Variants in KCNQ5 observed in about 807,000 individuals in gnomAD.
The protein encoded by KCNQ5 is potassium voltage-gated channel subfamily Q member 5, also known as potassium voltage-gated channel subfamily KQT member 5.
In KCNQ5, 30 loss-of-function variants were observed where a neutral mutation model predicts 98.2. That is an observed-to-expected ratio of 0.31 (90% CI 0.23 to 0.41). The LOEUF is 0.41. Among genes scored for constraint, KCNQ5 ranks in the 10% least tolerant of loss-of-function variants. The probability of loss-of-function intolerance (pLI) is 1.00; values close to 1 mark genes in which losing one functional copy is unlikely to be tolerated. For synonymous variants in KCNQ5, 458 were observed against 449.4 expected, an observed-to-expected ratio of 1.02 and a Z score of -0.24; for missense variants, 835 against 1,182.5, an observed-to-expected ratio of 0.71 and a Z score of 4.31.
intron 1 of KCNQ5, among the ~76,000 whole-genome samples, chr6:72,837,244 A>G (rs1266658516): frequency 1.3e-5 from 2 of 152,202 alleles, no homozygotes; most frequent in African/African-American, 4.8e-5. Context: ...TTGAACACTT[A>G]ATATGCTCCA....
chr6:73,167,582 A>C (rs1345337653), intron 10 of KCNQ5, among the ~76,000 whole-genome samples: 1 of 152,240 alleles, frequency 6.6e-6, no homozygotes, highest in Non-Finnish European at 1.5e-5. Context: ...TGCTCTGAGT[A>C]TGAAAATTAA....
chr6:73,036,105 G>A (rs902602818), intron 2 of KCNQ5, among the ~76,000 whole-genome samples: 7 of 151,384 alleles, frequency 4.6e-5, no homozygotes, highest in African/African-American at 9.7e-5. Flanking sequence ...GGACAGTTCC[G>A]GCCGGGCACG....
chr6:72,728,463 G>A (rs903874018), intron 1 of KCNQ5, among the ~76,000 whole-genome samples: 2 of 152,144 alleles, frequency 1.3e-5, no homozygotes, highest in African/African-American at 4.8e-5. Flanking sequence ...ACTTTGGTCT[G>A]TGTGCCTCTC....
intron 10 of KCNQ5, chr6:73,158,169 AGGGAACGTCC>A: frequency 2.9e-6 from 1 of 345,712 alleles, no homozygotes; most frequent in Admixed American, 4.0e-5. Context: ...GGCGGCGGGA[AGGGAACGTCC>A]GGGCGAGCAC....
chr6:72,979,392 T>C (rs1270511204), intron 1 of KCNQ5, among the ~76,000 whole-genome samples: 2 of 152,242 alleles, frequency 1.3e-5, no homozygotes, highest in South Asian at 2.1e-4. Context: ...TGGTATCTCA[T>C]TGTGGTTTTG....
chr6:72,728,983 T>C (rs1271282128), intron 1 of KCNQ5, among the ~76,000 whole-genome samples: 2 of 152,196 alleles, frequency 1.3e-5, no homozygotes, highest in East Asian at 1.9e-4. Flanking sequence ...TATTTTTATT[T>C]TTCTTATCTT....
At chr6:73,029,904 C>CAAAAAAAAAAAAAAAAAAAA in intron 2 of KCNQ5, among the ~76,000 whole-genome samples, 1 of 78,656 alleles carries the variant, frequency 1.3e-5, no homozygotes, top group Non-Finnish European at 2.3e-5. Context: ...GACTCCGTCT[C>CAAAAAAAAAAAAAAAAAAAA]AAAAAAAAAA....
chr6:72,952,859 AT>A (rs1272905575), intron 1 of KCNQ5, among the ~76,000 whole-genome samples: 1 of 152,198 alleles, frequency 6.6e-6, no homozygotes, highest in African/African-American at 2.4e-5. Flanking sequence ...ACTTTTTGCT[AT>A]AATTACCTCA....
chr6:72,725,575 G>A (rs1770221812), intron 1 of KCNQ5, among the ~76,000 whole-genome samples: 1 of 152,132 alleles, frequency 6.6e-6, no homozygotes, highest in South Asian at 2.1e-4. Context: ...ATTTTAATTA[G>A]GCAAGAGGAA....
intron 1 of KCNQ5, among the ~76,000 whole-genome samples, chr6:72,697,687 G>T (rs1419945816): frequency 1.3e-5 from 2 of 152,132 alleles, no homozygotes; most frequent in African/African-American, 2.4e-5. Context: ...CATGAGTTTA[G>T]TTACTGCAGT....
chr6:73,123,077 T>C (rs750470352), intron 8 of KCNQ5, among the ~76,000 whole-genome samples: 3 of 151,338 alleles, frequency 2.0e-5, no homozygotes, highest in Non-Finnish European at 4.4e-5. Context: ...TGAGCACCTA[T>C]GATGTGCAAG....
At chr6:72,827,384 C>A (rs1220351464) in intron 1 of KCNQ5, among the ~76,000 whole-genome samples, 1 of 152,006 alleles carries the variant, frequency 6.6e-6, no homozygotes, top group African/African-American at 2.4e-5. Flanking sequence ...ACCCTCACCA[C>A]CATTTGTTAT....
intron 1 of KCNQ5, among the ~76,000 whole-genome samples, chr6:72,957,825 G>C (rs769446319): frequency 9.9e-5 from 15 of 152,056 alleles, no homozygotes; most frequent in Non-Finnish European, 2.2e-4. Context: ...GAAAAAGGTG[G>C]GTAGCTTAAG....
At chr6:73,152,130 A>T (rs779823664) in intron 10 of KCNQ5, among the ~76,000 whole-genome samples, 2 of 152,010 alleles carry the variant, frequency 1.3e-5, no homozygotes, top group Non-Finnish European at 2.9e-5. Flanking sequence ...TCCTGAGAAG[A>T]GTGTCTGGAA....
chr6:73,160,823 T>TCCTA (rs1183277980), intron 10 of KCNQ5, among the ~76,000 whole-genome samples: 1 of 152,164 alleles, frequency 6.6e-6, no homozygotes, highest in African/African-American at 2.4e-5. Flanking sequence ...AACGCCTGGG[T>TCCTA]CCTAGCCTTT....
At chr6:73,004,088 C>G in intron 2 of KCNQ5, 90 bp downstream of exon 2, 1 of 719,240 alleles carries the variant, frequency 1.4e-6, no homozygotes, top group Admixed American at 2.5e-5. Context: ...ACAAAAAAAT[C>G]CTATCTAAAA....
At chr6:73,172,600 T>C (rs1026362851) in intron 11 of KCNQ5, among the ~76,000 whole-genome samples, 4 of 152,216 alleles carry the variant, frequency 2.6e-5, no homozygotes, top group Admixed American at 2.6e-4. Flanking sequence ...TGTTTAATTA[T>C]GTTCGTAAGT....
chr6:73,096,176 A>C (rs1468949781), intron 5 of KCNQ5, among the ~76,000 whole-genome samples: 1 of 152,094 alleles, frequency 6.6e-6, no homozygotes, highest in Non-Finnish European at 1.5e-5. Flanking sequence ...CGGATGGGAG[A>C]AAGATGTAGG....
chr6:73,170,552 G>A (rs1468877089), intron 11 of KCNQ5, among the ~76,000 whole-genome samples: 1 of 123,474 alleles, frequency 8.1e-6, no homozygotes, highest in Non-Finnish European at 1.6e-5. Context: ...AAGGAATGCT[G>A]AGTAACTATA....
Sources: gnomAD v4.1 joint callset for allele counts (sites outside exome capture counted in the v4.1 genomes callset) on GRCh38, gnomAD v4.1.1 for gene constraint, MANE v1.5 for transcripts, NCBI Gene and HGNC (gene_info 2026-07-23, HGNC 2026-07-21) for gene names.